The following ZNF462 variants were observed in gnomAD, a reference collection of about 807,000 sequenced individuals.
ZNF462 encodes the protein zinc finger PBX1-interacting protein.
A neutral mutation model predicts 201.9 loss-of-function variants in ZNF462; 10 were observed. The ratio of observed to expected loss-of-function variants is 0.05; its 90% CI spans 0.03 to 0.08. The LOEUF is 0.08. Ranked by LOEUF, ZNF462 falls within the 10% of genes least tolerant of loss-of-function variation. ZNF462 has a pLI of 1.00. For synonymous variants in ZNF462, 1,227 were observed against 1,193.3 expected (o/e 1.03, Z -0.58); for missense variants, 2,523 against 3,168.3 (o/e 0.80, Z 4.89).
At chr9:106,931,215 C>T (rs1437204794) in intron 4 of ZNF462, among the ~76,000 whole-genome samples, 1 of 152,114 alleles carries the variant, frequency 6.6e-6, no homozygotes, top group Non-Finnish European at 1.5e-5. Context: ...CCCTGAAAGC[C>T]TTGGTTTGTC....
In ZNF462 at chr9:106,935,009, T is replaced by C. The variant is rs1025700922; in HGVS notation, c.6117-494T>C. Among the ~76,000 whole-genome samples the C allele has an allele frequency of 6.6e-6, 1 of 152,118 alleles. No individual in the cohort carries two copies. Among genetic ancestry groups the C allele is most frequent in the Non-Finnish European group, 1.5e-5 (1 of 68,012 alleles). ...CAAGAAGGTCAGCCACTTCGAAACC[T>C]CCCTTCCTCACTCTAGTGTTCACAA... is the stretch of plus-strand genomic sequence containing the variant. On this transcript the variant is annotated intron_variant, in intron 5 of 12. Coordinates refer to ENST00000277225, the MANE Select transcript of ZNF462 (RefSeq NM_021224.6). The surrounding 1 kb of genome is among the most constrained non-coding windows in gnomAD (Gnocchi z 4.1).
intron 7 of ZNF462, among the ~76,000 whole-genome samples, chr9:106,964,008 CGTGTGTGTGTGTGTGT>C (rs111450825): frequency 2.0e-5 from 3 of 146,648 alleles, no homozygotes; most frequent in Admixed American, 6.9e-5. Flanking sequence ...AAATAATATT[CGTGTGTGTGTGTGTGT>C]GTGTGTGTGT....
chr9:106,967,333 CTG>C (rs968190730), intron 7 of ZNF462, among the ~76,000 whole-genome samples: 2 of 152,108 alleles, frequency 1.3e-5, no homozygotes, highest in Non-Finnish European at 2.9e-5. Context: ...GGAATTGGAA[CTG>C]TGAATACTCA....
chr9:106,879,540 A>T (rs977308443), intron 1 of ZNF462, among the ~76,000 whole-genome samples: 1 of 151,988 alleles, frequency 6.6e-6, no homozygotes, highest in Non-Finnish European at 1.5e-5. Flanking sequence ...GACTGGGAGG[A>T]GGAGAAAGGG....
Position 106,913,849 on chromosome 9 carries a change from G to A in ZNF462, c.-30-9505G>A, listed in dbSNP as rs1036975191. Reference sequence around the variant, plus strand: ...ACTCCTTACCTCAAGTGATCTGCCCGCCTCAGCCTCCCAAAGTGCTAGGAT... The same window carrying A: ...ACTCCTTACCTCAAGTGATCTGCCCACCTCAGCCTCCCAAAGTGCTAGGAT... On this transcript the variant is annotated intron_variant, in intron 1 of 12. Coordinates refer to ENST00000277225, the MANE Select transcript of ZNF462 (RefSeq NM_021224.6). The surrounding 1 kb of genome is among the most constrained non-coding windows in gnomAD (Gnocchi z 4.1). Among the ~76,000 whole-genome samples the A allele has an allele frequency of 6.7e-6, 1 of 150,248 alleles. No homozygotes were observed. Among genetic ancestry groups the A allele is most frequent in the African/African-American group, 2.4e-5 (1 of 41,242 alleles).
Position 107,006,363 on chromosome 9 carries a change from AAAC to A in ZNF462, c.7189+2946_7189+2948del, listed in dbSNP as rs756799034. On this transcript the variant is annotated intron_variant, in intron 11 of 12. Transcript: ENST00000277225. This position sits in a 1 kb window ranked among gnomAD's most constrained non-coding sequence, Gnocchi z 4.3. Reference sequence around the variant, plus strand: ...AAAGTAAAAAACAAAACAAACAAACAAACAACAACAAAAAATATAAACCCTGGA... The same window carrying A: ...AAAGTAAAAAACAAAACAAACAAACAAACAACAAAAAATATAAACCCTGGA... Among the ~76,000 whole-genome samples the A allele has an allele frequency of 4.6e-5, 7 of 152,198 alleles. No homozygotes were observed. The highest frequency in any genetic ancestry group is 7.3e-5 in the Non-Finnish European group (5 of 68,038).
chr9:106,899,445 G>A (rs902624422), intron 1 of ZNF462, among the ~76,000 whole-genome samples: 1 of 152,178 alleles, frequency 6.6e-6, no homozygotes, highest in Admixed American at 6.5e-5. Context: ...GGACATGGGA[G>A]CGCCACTTCC....
rs1207879293 is a variant in ZNF462 at position 107,012,108 on chromosome 9, T to TC, written c.*1078_*1079insC. The TC allele has an allele frequency of 1.6e-4, 15 of 95,760 alleles. No individual in the cohort carries two copies. The East Asian group carries it at 2.6e-3, about 16-fold the overall frequency. 5.9% of individuals were successfully genotyped at this position (95,760 alleles called of 1,614,324 possible). A position where few individuals can be genotyped will look rare whatever the true frequency, so the allele number is the denominator to read the frequency against. ...AAATAACAAAGAAGTTAACTTTCTT[T>TC]TTTTTTTTTTTTTTTTTTTTTAATT... On this transcript the variant is annotated 3_prime_UTR_variant, in exon 13 of 13. Transcript: ENST00000277225.
rs1395667526 is a variant in ZNF462, at chr9:106,966,300, C to T, written c.6428-5705C>T. Among the ~76,000 whole-genome samples the T allele has an allele frequency of 6.6e-6, 1 of 151,944 alleles. No homozygotes were observed. The highest frequency in any genetic ancestry group is 1.5e-5 in the Non-Finnish European group (1 of 67,958). On this transcript the variant is annotated intron_variant, in intron 7 of 12. Transcript: ENST00000277225. This position sits in a 1 kb window ranked among gnomAD's most constrained non-coding sequence, Gnocchi z 4.4. ...TTTCTTTACCCTAGGGAAATTAAGT[C>T]ATTTTTTTTCATTGTGATAATAATG...
chr9:106,910,989 A>G (rs1829526362), intron 1 of ZNF462, among the ~76,000 whole-genome samples: 1 of 152,044 alleles, frequency 6.6e-6, no homozygotes, highest in Non-Finnish European at 1.5e-5. Flanking sequence ...TGGGATCCTG[A>G]GGATTTACCC....
At chr9:106,910,386 T>TA (rs1554699860) in intron 1 of ZNF462, among the ~76,000 whole-genome samples, 28 of 145,900 alleles carry the variant, frequency 1.9e-4, no homozygotes, top group South Asian at 6.8e-4. Flanking sequence ...TTTTTTTTTT[T>TA]AATAACTCAT....
intron 1 of ZNF462, among the ~76,000 whole-genome samples, chr9:106,869,002 G>A (rs1827469161): frequency 6.6e-6 from 1 of 150,554 alleles, no homozygotes; most frequent in South Asian, 2.2e-4. Context: ...CGGGTTTGTA[G>A]CTGTACTTTT....
chr9:106,943,650 C>T (rs998844884), intron 7 of ZNF462, among the ~76,000 whole-genome samples: 1 of 152,198 alleles, frequency 6.6e-6, no homozygotes, highest in Non-Finnish European at 1.5e-5. Context: ...ACTCTTATTA[C>T]TCTTCCTGGT....
At chr9:106,882,455 TA>T (rs1828140865) in intron 1 of ZNF462, among the ~76,000 whole-genome samples, 3 of 152,222 alleles carry the variant, frequency 2.0e-5, no homozygotes, top group Non-Finnish European at 4.4e-5. Flanking sequence ...AGCATTCAAT[TA>T]AAAAATGAAA....
At chr9:106,863,440 C>G (rs781353079) in intron 1 of ZNF462, 85 bp downstream of exon 1, 1 of 372,076 alleles carries the variant, frequency 2.7e-6, no homozygotes. Context: ...CACAAACGCG[C>G]TCATTCATTC....
At position 106,932,719 on chromosome 9, in the gene ZNF462, C is replaced by T; in HGVS notation, c.6116+170C>T. 1.3e-6 allele frequency: 1 copy of T among 789,060 alleles called. No individual in the cohort carries two copies. Among genetic ancestry groups the T allele is most frequent in the East Asian group, 2.7e-5 (1 of 37,304 alleles). The allele number at this position is 789,060 out of a possible 1,614,324, so 48.9% of individuals were successfully genotyped here. On this transcript the variant is annotated intron_variant, in intron 5 of 12. Coordinates refer to ENST00000277225, the MANE Select transcript of ZNF462 (RefSeq NM_021224.6). The surrounding 1 kb of genome is among the most constrained non-coding windows in gnomAD (Gnocchi z 6.8). Reference sequence around the variant, plus strand: ...CTTTTCTGTAAAATGGGGCTGAGAACAGGAGATTGATCGGATGGCGTTAGA... The same window carrying T: ...CTTTTCTGTAAAATGGGGCTGAGAATAGGAGATTGATCGGATGGCGTTAGA...
At chr9:106,987,222 C>CT (rs1827917072) in intron 10 of ZNF462, among the ~76,000 whole-genome samples, 1 of 152,154 alleles carries the variant, frequency 6.6e-6, no homozygotes, top group Non-Finnish European at 1.5e-5. Flanking sequence ...ACTTTTAGTT[C>CT]TTTAAGGAAT....
chr9:106,988,656 C>A (rs1281816563), intron 10 of ZNF462, among the ~76,000 whole-genome samples: 1 of 152,164 alleles, frequency 6.6e-6, no homozygotes, highest in Non-Finnish European at 1.5e-5. Context: ...AATGTTGATT[C>A]TTCCCATCCA....
chr9:106,948,952 T>G (rs1346393315), intron 7 of ZNF462, among the ~76,000 whole-genome samples: 1 of 152,134 alleles, frequency 6.6e-6, no homozygotes, highest in Non-Finnish European at 1.5e-5. Flanking sequence ...AATTTTATCT[T>G]AAGGCTCACT....
Sources: gnomAD v4.1 joint callset for allele counts (sites outside exome capture counted in the v4.1 genomes callset) on GRCh38, gnomAD v4.1.1 for gene constraint, Gnocchi (gnomAD v3.1) non-coding constraint, MANE v1.5 for transcripts, NCBI Gene and HGNC (gene_info 2026-07-23, HGNC 2026-07-21) for gene names.